Variants in FANK1 observed in about 807,000 individuals in gnomAD.
The protein encoded by FANK1 is fibronectin type III and ankyrin repeat domains 1, also known as fibronectin type 3 and ankyrin repeat domains protein 1.
In FANK1, 44 loss-of-function variants were observed where a neutral mutation model predicts 45.3. The ratio of observed to expected loss-of-function variants is 0.97; its 90% CI spans 0.76 to 1.25. The LOEUF (loss-of-function observed/expected upper bound fraction) is 1.25, where lower values mean the gene tolerates loss of function less well. Among genes scored for constraint, FANK1 ranks in the 50% most tolerant of loss-of-function variants. The pLI is 0.00. For synonymous variants in FANK1, 149 were observed against 152.5 expected (o/e 0.98, Z 0.17); for missense variants, 391 against 424.4 (o/e 0.92, Z 0.69).
intron 1 of FANK1, among the ~76,000 whole-genome samples, chr10:125,911,897 T>A (rs982949510): frequency 1.3e-5 from 2 of 152,198 alleles, no homozygotes; most frequent in African/African-American, 4.8e-5. Context: ...GCGGGCTCCC[T>A]GCACAGAAGG....
chr10:125,961,133 G>C (rs1949900701), intron 1 of FANK1, among the ~76,000 whole-genome samples: 1 of 152,062 alleles, frequency 6.6e-6, no homozygotes, highest in South Asian at 2.1e-4. Context: ...TTGAGACAGT[G>C]TCTCACTCCA....
rs776134655 is a variant in FANK1, at chr10:126,008,568, A to G, written c.849+18A>G. On this transcript the variant is annotated intron_variant, in intron 8 of 10. Coordinates refer to ENST00000368693, the MANE Select transcript of FANK1 (RefSeq NM_145235.5). Reference sequence around the variant, plus strand: ...CCCTTATGGTAGGTCCTCCTCCCGAAAATAGGCAGTTTTCTACGTGGAATT... The same window carrying G: ...CCCTTATGGTAGGTCCTCCTCCCGAGAATAGGCAGTTTTCTACGTGGAATT... The G allele has an allele frequency of 6.3e-7, 1 of 1,590,958 alleles. No homozygotes were observed.
chr10:125,999,043 C>T (rs866628218), intron 6 of FANK1, among the ~76,000 whole-genome samples: 2 of 152,178 alleles, frequency 1.3e-5, no homozygotes, highest in Non-Finnish European at 2.9e-5. Flanking sequence ...TTATAAATCT[C>T]TTCCATCCCT....
In FANK1 at chr10:125,971,828, T is replaced by C. The variant is rs554947114; in HGVS notation, c.14-8333T>C. 3.3e-5 allele frequency among the ~76,000 whole-genome samples: 5 copies of C among 152,234 alleles called. 1 individual carries two copies. In the South Asian group the frequency reaches 8.3e-4, roughly 25 times the overall value. ...TAGTAGAGACAGGGTTTCACCATGT[T>C]AGCCAGGATGGTCTCGATCTCGTGA... On this transcript the variant is annotated intron_variant, in intron 1 of 10. Coordinates refer to ENST00000368693, the MANE Select transcript of FANK1 (RefSeq NM_145235.5).
rs76925120 is a variant in FANK1 at position 125,961,717 on chromosome 10, C to G, written c.14-18444C>G. On this transcript the variant is annotated intron_variant, in intron 1 of 10. Coordinates refer to ENST00000368693, the MANE Select transcript of FANK1 (RefSeq NM_145235.5). ...TTATGAATAAGACCTCAAAAGCAGT[C>G]AACAAATCACTTGAGCTCAGGAGTT... Among the ~76,000 whole-genome samples the G allele has an allele frequency of 3.3e-5, 5 of 152,116 alleles. 1 individual carries two copies. The highest frequency in any genetic ancestry group is 7.4e-5 in the Non-Finnish European group (5 of 68,018).
intron 7 of FANK1, 76 bp downstream of exon 7, chr10:126,005,125 C>T (rs1953086772): frequency 6.6e-7 from 1 of 1,505,078 alleles, no homozygotes; most frequent in South Asian, 1.3e-5. Flanking sequence ...CTGGCAGAAG[C>T]AGGGCCTTTG....
intron 3 of FANK1, among the ~76,000 whole-genome samples, chr10:125,992,956 C>T (rs942421226): frequency 1.3e-5 from 2 of 152,064 alleles, no homozygotes; most frequent in East Asian, 3.9e-4. Flanking sequence ...GTGAACTGGT[C>T]GATACTGCAG....
At chr10:125,985,811 A>G (rs1951517503) in intron 2 of FANK1, among the ~76,000 whole-genome samples, 1 of 152,168 alleles carries the variant, frequency 6.6e-6, no homozygotes, top group Non-Finnish European at 1.5e-5. Flanking sequence ...GGCTTCACCC[A>G]TGTGTGATGC....
At chr10:125,999,516 T>C (rs985585078) in intron 6 of FANK1, among the ~76,000 whole-genome samples, 2 of 152,208 alleles carry the variant, frequency 1.3e-5, no homozygotes, top group Admixed American at 1.3e-4. Flanking sequence ...GAATGAAGGA[T>C]TCCTTTGATT....
chr10:125,933,363 G>A (rs1012110057), intron 1 of FANK1, among the ~76,000 whole-genome samples: 1 of 152,028 alleles, frequency 6.6e-6, no homozygotes, highest in African/African-American at 2.4e-5. Context: ...TAAGCTAGGA[G>A]GGTTGTATTT....
chr10:126,006,493 A>G (rs1953214111), intron 7 of FANK1, among the ~76,000 whole-genome samples: 1 of 152,164 alleles, frequency 6.6e-6, no homozygotes, highest in Admixed American at 6.5e-5. Context: ...TTGGTTTATG[A>G]TGAATTCTGG....
chr10:125,988,730 G>A, intron 3 of FANK1, 55 bp downstream of exon 3: 2 of 1,613,848 alleles, frequency 1.2e-6, no homozygotes, highest in Non-Finnish European at 1.7e-6. Context: ...GAGATGACAA[G>A]CAATTTAGAA....
At chr10:125,971,902 C>A (rs1950543819) in intron 1 of FANK1, among the ~76,000 whole-genome samples, 1 of 152,142 alleles carries the variant, frequency 6.6e-6, no homozygotes, top group African/African-American at 2.4e-5. Context: ...GCTGGGATTA[C>A]AGGTGTGAGC....
chr10:125,981,326 A>G (rs1015448899), intron 2 of FANK1, among the ~76,000 whole-genome samples: 1 of 152,034 alleles, frequency 6.6e-6, no homozygotes, highest in Admixed American at 6.6e-5. Context: ...TAGGCAACAT[A>G]GTGAAATCCC....
intron 3 of FANK1, chr10:125,994,470 G>A (rs1416325923): frequency 4.1e-6 from 4 of 985,290 alleles, no homozygotes; most frequent in Non-Finnish European, 4.8e-6. Flanking sequence ...GGGGCTGGGC[G>A]TACAGTTGGA....
chr10:125,990,001 C>T (rs749523847), intron 3 of FANK1, among the ~76,000 whole-genome samples: 2 of 152,188 alleles, frequency 1.3e-5, no homozygotes, highest in Non-Finnish European at 2.9e-5. Flanking sequence ...CTACCTCTGC[C>T]CTTCTTCCCT....
chr10:125,912,040 A>G (rs1379937786), intron 1 of FANK1, among the ~76,000 whole-genome samples: 1 of 152,216 alleles, frequency 6.6e-6, no homozygotes, highest in Non-Finnish European at 1.5e-5. Context: ...TCCTAATCAC[A>G]ATAATTGACT....
intron 1 of FANK1, among the ~76,000 whole-genome samples, chr10:125,974,077 C>T (rs1289952747): frequency 1.3e-5 from 2 of 152,218 alleles, no homozygotes; most frequent in Admixed American, 1.3e-4. Flanking sequence ...ACTTAATTAT[C>T]ACAAAACACT....
At chr10:125,904,385 A>G (rs1433404441) in intron 1 of FANK1, among the ~76,000 whole-genome samples, 2 of 152,268 alleles carry the variant, frequency 1.3e-5, no homozygotes, top group South Asian at 2.1e-4. Context: ...TCCTGATGGC[A>G]TCACTGGTGA....
Sources: gnomAD v4.1 joint callset for allele counts (sites outside exome capture counted in the v4.1 genomes callset) on GRCh38, gnomAD v4.1.1 for gene constraint, MANE v1.5 for transcripts, NCBI Gene and HGNC (gene_info 2026-07-23, HGNC 2026-07-21) for gene names.